Variants in NPFFR1 observed in about 807,000 individuals in gnomAD.
NPFFR1 encodes the protein G-protein coupled receptor 147.
NPFFR1 carries 17 observed loss-of-function variants against 12.7 expected under a neutral mutation model. The ratio of observed to expected loss-of-function variants is 1.34; its 90% CI spans 0.92 to 2.01. NPFFR1 has a LOEUF of 2.01. Among genes scored for constraint, NPFFR1 ranks in the 30% most tolerant of loss-of-function variants. The pLI is 0.00. For missense variants in NPFFR1, 604 were observed against 606.5 expected, an observed-to-expected ratio of 1.00 and a Z score of 0.04; for synonymous variants, 296 against 264.5, an observed-to-expected ratio of 1.12 and a Z score of -1.16.
At chr10:70,265,669 G>A (rs1247708737) in intron 2 of NPFFR1, among the ~76,000 whole-genome samples, 1 of 152,222 alleles carries the variant, frequency 6.6e-6, no homozygotes, top group East Asian at 1.9e-4. Flanking sequence ...GAGTGGGACT[G>A]AATGGTATAA....
intron 1 of NPFFR1, among the ~76,000 whole-genome samples, chr10:70,283,177 A>C (rs1424046880): frequency 6.6e-6 from 1 of 151,814 alleles, no homozygotes; most frequent in Non-Finnish European, 1.5e-5. Flanking sequence ...ACACATATGT[A>C]CAACACAAAT....
chr10:70,261,994 G>A (rs1840640357), intron 2 of NPFFR1, among the ~76,000 whole-genome samples: 1 of 152,190 alleles, frequency 6.6e-6, no homozygotes, highest in Admixed American at 6.5e-5. Context: ...AGAAAAAAGA[G>A]ATTAAGAAAA....
At chr10:70,266,572 A>T (rs1840693904) in intron 1 of NPFFR1, among the ~76,000 whole-genome samples, 181 bp from the exon 2 acceptor site, 1 of 152,044 alleles carries the variant, frequency 6.6e-6, no homozygotes, top group East Asian at 1.9e-4. Context: ...AACCACTCAA[A>T]CCCTGGTCTT....
At chr10:70,271,401 T>C (rs1415699636) in intron 1 of NPFFR1, among the ~76,000 whole-genome samples, 2 of 152,030 alleles carry the variant, frequency 1.3e-5, no homozygotes, top group African/African-American at 4.8e-5. Flanking sequence ...TAGTCCCAGC[T>C]ACTCTGGAGG....
In NPFFR1 at chr10:70,252,728, G is replaced by A. The variant is rs914193050; in HGVS notation, c.*2229C>T. 1.3e-5 allele frequency: 2 copies of A among 152,186 alleles called. No individual in the cohort carries two copies. Among genetic ancestry groups the A allele is most frequent in the African/African-American group, 4.8e-5 (2 of 41,440 alleles). The allele number at this position is 152,186 out of a possible 1,614,324, so 9.4% of individuals were successfully genotyped here. ...GTAACCTTCAGCGAGAGCTGAAGGAGTTTTTTGGGCAGTTATAACCTTTCA... is the reference window on the plus strand; with the variant it reads ...GTAACCTTCAGCGAGAGCTGAAGGAATTTTTTGGGCAGTTATAACCTTTCA... On this transcript the variant is annotated 3_prime_UTR_variant, in exon 4 of 4. Transcript: ENST00000277942.
At chr10:70,256,526 G>T (rs953392542) in intron 3 of NPFFR1, among the ~76,000 whole-genome samples, 2 of 152,248 alleles carry the variant, frequency 1.3e-5, no homozygotes, top group Non-Finnish European at 2.9e-5. Context: ...CAGGAGGTCA[G>T]ATGTAGAGCC....
At chr10:70,279,724 G>A (rs1049780902) in intron 1 of NPFFR1, among the ~76,000 whole-genome samples, 3 of 152,216 alleles carry the variant, frequency 2.0e-5, no homozygotes. Context: ...GCCTCCCAAA[G>A]TGCTCTGATT....
At chr10:70,256,834 C>A (rs1004655139) in intron 3 of NPFFR1, among the ~76,000 whole-genome samples, 1 of 152,152 alleles carries the variant, frequency 6.6e-6, no homozygotes, top group Non-Finnish European at 1.5e-5. Flanking sequence ...AGCTGTAAAC[C>A]CTCCATGTGC....
chr10:70,268,419 A>C (rs762490044), intron 1 of NPFFR1, among the ~76,000 whole-genome samples: 61 of 151,864 alleles, frequency 4.0e-4, no homozygotes, highest in Middle Eastern at 3.4e-3. Context: ...TGTGGATCGG[A>C]GCAAGATTTC....
At chr10:70,273,441 T>C (rs1840769730) in intron 1 of NPFFR1, among the ~76,000 whole-genome samples, 1 of 152,208 alleles carries the variant, frequency 6.6e-6, no homozygotes, top group Non-Finnish European at 1.5e-5. Flanking sequence ...GTTATGCCAA[T>C]CAATGGTTCC....
intron 1 of NPFFR1, among the ~76,000 whole-genome samples, chr10:70,279,556 C>G (rs1840838410): frequency 6.6e-6 from 1 of 151,976 alleles, no homozygotes; most frequent in African/African-American, 2.4e-5. Context: ...ACCCCCTGGG[C>G]TTAAGCAATT....
At chr10:70,256,632 A>T (rs561287200) in intron 3 of NPFFR1, among the ~76,000 whole-genome samples, 1 of 152,304 alleles carries the variant, frequency 6.6e-6, no homozygotes, top group East Asian at 1.9e-4. Flanking sequence ...CATGAGGACA[A>T]CTCAGCATCT....
intron 2 of NPFFR1, among the ~76,000 whole-genome samples, chr10:70,264,366 CAAAAAAAAAAAAAAAA>C (rs56178146): frequency 1.3e-5 from 1 of 74,582 alleles, no homozygotes; most frequent in African/African-American, 5.5e-5. Context: ...AGTGAGACTC[CAAAAAAAAAAAAAAAA>C]AAAAAAAAGA....
chr10:70,260,958 T>A lies in NPFFR1; in HGVS notation c.323-219A>T, dbSNP rs191044245. Among the ~76,000 whole-genome samples the A allele has an allele frequency of 2.1e-4, 32 of 152,226 alleles. No individual in the cohort carries two copies. In the East Asian group the frequency reaches 6.2e-3, roughly 29 times the overall value. ...TACAGTCATCCCCTCGTTTATACAG[T>A]GCATTGGTTCTAGGACCCCCAAGTA... On this transcript the variant is annotated intron_variant, in intron 2 of 3. Transcript: ENST00000277942.
rs1200239737 is a variant in NPFFR1 at position 70,283,735 on chromosome 10, G to A, written c.-59C>T. 1 of 1,526,594 alleles carries A rather than the reference G, an allele frequency of 6.6e-7. No homozygotes were observed. Among genetic ancestry groups the A allele is most frequent in the Admixed American group, 2.0e-5 (1 of 50,942 alleles). The allele number at this position is 1,526,594 out of a possible 1,614,324, so 94.6% of individuals were successfully genotyped here. A position where few individuals can be genotyped will look rare whatever the true frequency, so the allele number is the denominator to read the frequency against. On this transcript the variant is annotated 5_prime_UTR_variant, in exon 1 of 4. Transcript: ENST00000277942. ...ATGGCGGGAGGCAGCGGGCCCCTTC[G>A]GGCCAGCGGGCAGAGGGACGGTCTC... is the stretch of plus-strand genomic sequence containing the variant.
In NPFFR1 at chr10:70,255,772, C is replaced by G. The variant is rs1840563985; in HGVS notation, c.478G>C (p.Val160Leu). The change falls in exon 4 of 4, where the codon GTC (valine) becomes CTC (leucine). Residue 160 changes from valine (V) to leucine (L), a missense_variant. Physicochemically the swap from Val to Leu is conservative, Grantham distance 32 (BLOSUM62 1). Coordinates refer to ENST00000277942, the MANE Select transcript of NPFFR1 (RefSeq NM_022146.5). The surrounding 1 kb of genome is among the most constrained non-coding windows in gnomAD (Gnocchi z 4.2). ...AGGGCCCAGATGACGGCGATGGTGA[C>G]GAGCGCCTTCCGCAGGGTCAGCTTC... is the stretch of plus-strand genomic sequence containing the variant. ...REKLTLRKAL[V>L]TIAVIWALAL... 2 of 1,611,370 alleles carry G rather than the reference C, an allele frequency of 1.2e-6. No homozygotes were observed. Among genetic ancestry groups the G allele is most frequent in the Non-Finnish European group, 1.7e-6 (2 of 1,179,018 alleles).
Position 70,266,407 on chromosome 10 carries a change from T to C in NPFFR1, c.8-16A>G. On this transcript the variant is annotated splice_polypyrimidine_tract_variant and intron_variant, in intron 1 of 3. Coordinates refer to ENST00000277942, the MANE Select transcript of NPFFR1 (RefSeq NM_022146.5). ...GAGGGCTCCCCTAGGACCAAAGGAA[T>C]ATATTGGTCAGGACCTTAGGCAAAG... is the stretch of plus-strand genomic sequence containing the variant. 6.3e-7 allele frequency: 1 copy of C among 1,598,256 alleles called. No individual in the cohort carries two copies. Among genetic ancestry groups the C allele is most frequent in the Non-Finnish European group, 8.5e-7 (1 of 1,170,640 alleles).
intron 1 of NPFFR1, 105 bp from the exon 2 acceptor site, chr10:70,266,496 G>T: frequency 1.1e-6 from 1 of 904,178 alleles, no homozygotes; most frequent in Admixed American, 2.7e-5. Flanking sequence ...ACCATGCCCT[G>T]GTCCCCCAAG....
rs943877756 is a variant in NPFFR1, at chr10:70,247,740, A to G, written c.*7217T>C. 2.0e-5 allele frequency: 3 copies of G among 152,256 alleles called. No individual in the cohort carries two copies. The highest frequency in any genetic ancestry group is 7.2e-5 in the African/African-American group (3 of 41,468). The allele number at this position is 152,256 out of a possible 1,614,324, so 9.4% of individuals were successfully genotyped here. A position where few individuals can be genotyped will look rare whatever the true frequency, so the allele number is the denominator to read the frequency against. ...AATTTGGTTGCTTGCACATGACAAC[A>G]GCATCATTTATTGGTGACAGGATTC... On this transcript the variant is annotated 3_prime_UTR_variant, in exon 4 of 4. Coordinates refer to ENST00000277942, the MANE Select transcript of NPFFR1 (RefSeq NM_022146.5).
Sources: gnomAD v4.1 joint callset for allele counts (sites outside exome capture counted in the v4.1 genomes callset) on GRCh38, gnomAD v4.1.1 for gene constraint, Gnocchi (gnomAD v3.1) non-coding constraint, MANE v1.5 for transcripts, NCBI Gene and HGNC (gene_info 2026-07-23, HGNC 2026-07-21) for gene names.